TXNRD1: variants seen among roughly 807,000 people sequenced by gnomAD.
TXNRD1 encodes the protein thioredoxin reductase 1, cytoplasmic.
Under a neutral mutation model 80.3 loss-of-function variants are expected in TXNRD1, and 57 were observed. The observed-to-expected ratio is 0.71, with a 90% confidence interval of 0.57 to 0.89. The LOEUF (loss-of-function observed/expected upper bound fraction) is 0.89, where lower values mean the gene tolerates loss of function less well. Ranked by LOEUF, TXNRD1 falls within the 40% of genes least tolerant of loss-of-function variation. The pLI is 0.00. For synonymous variants in TXNRD1, 291 were observed against 285.2 expected (o/e 1.02, Z -0.20); for missense variants, 730 against 803.0 (o/e 0.91, Z 1.10).
intron 3 of TXNRD1, among the ~76,000 whole-genome samples, chr12:104,270,824 A>C (rs1246314499): frequency 6.6e-6 from 1 of 152,048 alleles, no homozygotes; most frequent in African/African-American, 2.4e-5. Context: ...CCTTTATAGC[A>C]ATACAGCCTC....
chr12:104,219,044 G>A (rs886177373), intron 1 of TXNRD1, among the ~76,000 whole-genome samples: 1 of 152,224 alleles, frequency 6.6e-6, no homozygotes, highest in Non-Finnish European at 1.5e-5. Context: ...CTGGGCTCAA[G>A]TAATCCTCCT....
chr12:104,240,563 G>T (rs1000953089), intron 1 of TXNRD1, among the ~76,000 whole-genome samples: 1 of 152,192 alleles, frequency 6.6e-6, no homozygotes, highest in African/African-American at 2.4e-5. Context: ...ATAGGCAAGA[G>T]AACTTTTTAG....
chr12:104,290,569 C>T (rs149505550), intron 4 of TXNRD1, among the ~76,000 whole-genome samples: 1 of 151,064 alleles, frequency 6.6e-6, no homozygotes, highest in Non-Finnish European at 1.5e-5. Flanking sequence ...TGGCACATGC[C>T]TCTGGTCCCA....
At chr12:104,284,111 A>G (rs1168797818) in intron 3 of TXNRD1, among the ~76,000 whole-genome samples, 1 of 152,202 alleles carries the variant, frequency 6.6e-6, no homozygotes, top group Non-Finnish European at 1.5e-5. Flanking sequence ...TAGGGGCATT[A>G]GAAGTTTGAG....
chr12:104,238,164 T>C (rs1300577346), intron 1 of TXNRD1, among the ~76,000 whole-genome samples: 1 of 147,576 alleles, frequency 6.8e-6, no homozygotes, highest in African/African-American at 2.4e-5. Context: ...GTCATGTTTT[T>C]AACTAACCTG....
At chr12:104,306,300 CT>C (rs1238095944) in intron 4 of TXNRD1, among the ~76,000 whole-genome samples, 1 of 152,098 alleles carries the variant, frequency 6.6e-6, no homozygotes, top group East Asian at 1.9e-4. Flanking sequence ...GCCATAAAGG[CT>C]TTTTTCTTTC....
chr12:104,290,809 T>C (rs2034176242), intron 4 of TXNRD1, among the ~76,000 whole-genome samples: 2 of 143,006 alleles, frequency 1.4e-5, no homozygotes, highest in South Asian at 4.5e-4. Flanking sequence ...GTGCCATAAG[T>C]TTACATTTAC....
intron 4 of TXNRD1, chr12:104,304,032 A>T: frequency 6.2e-7 from 1 of 1,613,248 alleles, no homozygotes; most frequent in Non-Finnish European, 8.5e-7. Context: ...CTCACCGCTG[A>T]CGAGGAGAAG....
At chr12:104,276,574 C>T (rs757336108) in intron 3 of TXNRD1, 1 of 152,216 alleles carries the variant, frequency 6.6e-6, no homozygotes, top group Non-Finnish European at 1.5e-5. Context: ...ACCTTACACT[C>T]CCTTTCTTCT....
chr12:104,267,072 A>G (rs888032982), intron 3 of TXNRD1, among the ~76,000 whole-genome samples: 1 of 150,714 alleles, frequency 6.6e-6, no homozygotes, highest in African/African-American at 2.4e-5. Context: ...AGGCTGAGGC[A>G]GGAGAATGGC....
chr12:104,292,335 A>G (rs1256941654), intron 4 of TXNRD1, among the ~76,000 whole-genome samples: 1 of 151,650 alleles, frequency 6.6e-6, no homozygotes, highest in Non-Finnish European at 1.5e-5. Flanking sequence ...CCCAGGCTTT[A>G]CCCGAGTTCT....
At chr12:104,249,177 G>T (rs991551529) in intron 1 of TXNRD1, among the ~76,000 whole-genome samples, 1 of 152,188 alleles carries the variant, frequency 6.6e-6, no homozygotes, top group African/African-American at 2.4e-5. Flanking sequence ...TCCACGTCTG[G>T]TGAGGGCCCA....
Position 104,311,422 on chromosome 12 carries a change from C to T in TXNRD1, c.537+10C>T, listed in dbSNP as rs372239852. ...TCTGGCAGCTGCTAAGGCAAGGCTC[C>T]TTGTGTTGTCTGTTGTCTGTTGTCT... On this transcript the variant is annotated intron_variant, in intron 5 of 16. Coordinates refer to ENST00000525566, the MANE Select transcript of TXNRD1 (RefSeq NM_001093771.3). 1.2e-5 allele frequency: 19 copies of T among 1,611,412 alleles called. No homozygotes were observed. The highest frequency in any genetic ancestry group is 1.7e-5 in the Admixed American group (1 of 59,688).
intron 14 of TXNRD1, among the ~76,000 whole-genome samples, chr12:104,332,534 G>A (rs552362325): frequency 6.6e-6 from 1 of 152,096 alleles, no homozygotes; most frequent in Middle Eastern, 3.4e-3. Flanking sequence ...TGGATCACCT[G>A]AGGCCAGGAG....
chr12:104,324,452 C>A (rs1358638333), intron 10 of TXNRD1, among the ~76,000 whole-genome samples: 2 of 148,502 alleles, frequency 1.3e-5, no homozygotes, highest in Admixed American at 6.8e-5. Flanking sequence ...CCCGGGTTCA[C>A]GCCATTCTTC....
chr12:104,332,929 A>G (rs1341782364), intron 14 of TXNRD1, among the ~76,000 whole-genome samples: 1 of 151,380 alleles, frequency 6.6e-6, no homozygotes, highest in Non-Finnish European at 1.5e-5. Flanking sequence ...TTTTATGTAT[A>G]TATATATGTG....
At chr12:104,269,382 T>G (rs975638765) in intron 3 of TXNRD1, among the ~76,000 whole-genome samples, 2 of 150,214 alleles carry the variant, frequency 1.3e-5, no homozygotes, top group African/African-American at 4.9e-5. Context: ...TTTTTTCTTC[T>G]TTTTCTGTGT....
At chr12:104,334,205 T>C in intron 14 of TXNRD1, 32 bp from the exon 15 acceptor site, 1 of 1,180,472 alleles carries the variant, frequency 8.5e-7, no homozygotes, top group Non-Finnish European at 1.2e-6. Flanking sequence ...TTTAAAATAA[T>C]GGGTCTAAAT....
At chr12:104,254,568 G>T (rs1273702123) in intron 2 of TXNRD1, among the ~76,000 whole-genome samples, 1 of 139,638 alleles carries the variant, frequency 7.2e-6, no homozygotes, top group Admixed American at 7.9e-5. Context: ...AAGGCAAGAG[G>T]TTCACCTGAA....
Sources: allele counts gnomAD v4.1 joint callset (sites outside exome capture counted in the v4.1 genomes callset), GRCh38; gene constraint gnomAD v4.1.1; transcripts MANE v1.5; gene names NCBI Gene and HGNC (gene_info 2026-07-23, HGNC 2026-07-21).